Variants in PTTG1 observed in about 807,000 individuals in gnomAD.
PTTG1 encodes the protein PTTG1 regulator of sister chromatid separation, securin.
Under a neutral mutation model 20.0 loss-of-function variants are expected in PTTG1, and 8 were observed. The observed-to-expected ratio is 0.40, with a 90% confidence interval of 0.23 to 0.72. PTTG1 has a LOEUF of 0.72. Among genes scored for constraint, PTTG1 ranks in the 30% least tolerant of loss-of-function variants. The pLI is 0.38. For missense variants in PTTG1, 197 were observed against 236.0 expected, an observed-to-expected ratio of 0.83 and a Z score of 1.08; for synonymous variants, 79 against 87.2, an observed-to-expected ratio of 0.91 and a Z score of 0.52.
intron 4 of PTTG1, 44 bp downstream of exon 4, chr5:160,424,374 T>G (rs749984876): frequency 3.0e-6 from 4 of 1,342,736 alleles, no homozygotes; most frequent in Non-Finnish European, 3.2e-6. Context: ...GGCCTTTAGT[T>G]TCTTAGTATT....
intron 5 of PTTG1, among the ~76,000 whole-genome samples, chr5:160,428,089 T>C (rs1042345094): frequency 9.2e-5 from 14 of 152,214 alleles, no homozygotes; most frequent in African/African-American, 3.4e-4. Context: ...AACTGGATAG[T>C]CTTACTACAG....
At chr5:160,424,481 TG>T in intron 4 of PTTG1, 151 bp downstream of exon 4, 2 of 591,598 alleles carry the variant, frequency 3.4e-6, no homozygotes, top group Non-Finnish European at 6.0e-6. Context: ...TACTTGTTGA[TG>T]GAATTATTTG....
At chr5:160,422,666 A>G (rs1765737660) in intron 2 of PTTG1, 43 bp from the exon 3 acceptor site, 2 of 1,602,676 alleles carry the variant, frequency 1.2e-6, no homozygotes, top group Non-Finnish European at 1.7e-6. Context: ...TTGTACAGGT[A>G]TTTTGCTGCT....
intron 4 of PTTG1, among the ~76,000 whole-genome samples, 193 bp from the exon 5 acceptor site, chr5:160,427,522 G>C (rs1481280802): frequency 6.6e-6 from 1 of 152,154 alleles, no homozygotes; most frequent in Admixed American, 6.5e-5. Flanking sequence ...TTTGTGTTGA[G>C]GCACCAGCAG....
At position 160,422,714 on chromosome 5, in the gene PTTG1, A is replaced by G; in HGVS notation, c.97A>G (p.Lys33Glu). The G allele has an allele frequency of 6.2e-7, 1 of 1,614,100 alleles. No homozygotes were observed. The highest frequency in any genetic ancestry group is 8.5e-7 in the Non-Finnish European group (1 of 1,179,998). ...TGGTAAGACTTTTTCTTCAGCAATCAAAGCCTTAGATGGGAGATCTCAAGT... is the reference window on the plus strand; with the variant it reads ...TGGTAAGACTTTTTCTTCAGCAATCGAAGCCTTAGATGGGAGATCTCAAGT... The part of the protein sequence containing the change: ...GLKLGSGPSI[K>E]ALDGRSQVST... Residue 33 changes from lysine to glutamate, a missense_variant, in exon 3 of 6, where the codon AAA (lysine) becomes GAA (glutamate). Transcript: ENST00000352433.
intron 1 of PTTG1, 117 bp from the exon 2 acceptor site, chr5:160,422,185 C>G: frequency 1.4e-6 from 1 of 704,232 alleles, no homozygotes; most frequent in Non-Finnish European, 2.5e-6. Flanking sequence ...CGTGACTGTT[C>G]CGCTGTTTAG....
intron 5 of PTTG1, 63 bp downstream of exon 5, chr5:160,427,936 C>T (rs970846843): frequency 3.5e-5 from 55 of 1,589,134 alleles, no homozygotes; most frequent in Middle Eastern, 1.7e-4. Context: ...ACTTCCATTA[C>T]CATGGGAAGA....
In PTTG1 at chr5:160,427,708, G is replaced by T. The variant is rs764494898; in HGVS notation, c.371-7G>T. 6.2e-7 allele frequency: 1 copy of T among 1,613,516 alleles called. No individual in the cohort carries two copies. Among genetic ancestry groups the T allele is most frequent in the African/African-American group, 1.3e-5 (1 of 74,918 alleles). On this transcript the variant is annotated splice_region_variant and splice_polypyrimidine_tract_variant and intron_variant, in intron 4 of 5. Transcript: ENST00000352433. ...GCCCTGACAAAAACGCTTTCTCTCTGTAACAGACTTTGAGAGTTTTGACCT... is the reference window on the plus strand; with the variant it reads ...GCCCTGACAAAAACGCTTTCTCTCTTTAACAGACTTTGAGAGTTTTGACCT...
chr5:160,424,249 A>C lies in PTTG1; in HGVS notation c.289A>C (p.Thr97Pro), dbSNP rs1465723130. The C allele has an allele frequency of 3.7e-6, 6 of 1,610,180 alleles. No homozygotes were observed. The highest frequency in any genetic ancestry group is 2.2e-5 in the East Asian group (1 of 44,804). ...TTGGCTGTTCTAGATGACTGAGAAG[A>C]CTGTTAAAGCAAAAAGCTCTGTTCC... ...SFSAKKMTEK[T>P]VKAKSSVPAS... Residue 97 changes from threonine to proline, a missense_variant, in exon 4 of 6, where the codon ACT becomes CCT. Thr to Pro is a conservative substitution (Grantham distance 38). Coordinates refer to ENST00000352433, the MANE Select transcript of PTTG1 (RefSeq NM_004219.4).
chr5:160,423,075 A>G (rs1454783228), intron 3 of PTTG1, 182 bp downstream of exon 3: 1 of 656,048 alleles, frequency 1.5e-6, no homozygotes, highest in African/African-American at 1.8e-5. Flanking sequence ...TTGAGATTGG[A>G]AATCTCAGAT....
At chr5:160,422,083 C>T (rs778369414) in intron 1 of PTTG1, 192 bp downstream of exon 1, 13 of 470,308 alleles carry the variant, frequency 2.8e-5, no homozygotes, top group Non-Finnish European at 4.6e-5. Flanking sequence ...TGATGAGTGC[C>T]AGCCCCAAAC....
rs763827209 is a variant in PTTG1 at position 160,422,316 on chromosome 5, G to A, written c.4G>A (p.Ala2Thr). Residue 2 changes from alanine to threonine, a missense_variant, in exon 2 of 6, where the codon GCT becomes ACT. Coordinates refer to ENST00000352433, the MANE Select transcript of PTTG1 (RefSeq NM_004219.4). M[A>T]TLIYVDKENG... is the part of the protein sequence containing the mutation. The stretch of plus-strand genomic sequence containing the variant: ...CTCATTCTTAGAATAATCCAGAATG[G>A]CTACTCTGATCTATGTTGATAAGGA... The A allele has an allele frequency of 6.2e-7, 1 of 1,612,956 alleles. No individual in the cohort carries two copies. The highest frequency in any genetic ancestry group is 1.1e-5 in the South Asian group (1 of 91,054).
intron 5 of PTTG1, 52 bp from the exon 6 acceptor site, chr5:160,428,550 A>G: frequency 6.7e-7 from 1 of 1,490,384 alleles, no homozygotes; most frequent in Non-Finnish European, 9.4e-7. Flanking sequence ...GTTGATATGG[A>G]CAATGACTCA....
intron 5 of PTTG1, 133 bp from the exon 6 acceptor site, chr5:160,428,469 C>A: frequency 1.3e-6 from 1 of 761,536 alleles, no homozygotes; most frequent in Non-Finnish European, 2.2e-6. Flanking sequence ...AAAAATGTGT[C>A]AGGAGGGGAT....
intron 1 of PTTG1, chr5:160,422,096 C>T: frequency 2.0e-6 from 1 of 498,256 alleles, no homozygotes; most frequent in East Asian, 3.6e-5. Flanking sequence ...CCCCAAACCG[C>T]GCGCTGCTCG....
chr5:160,423,692 C>T (rs2910202), intron 3 of PTTG1, among the ~76,000 whole-genome samples: 35,583 of 152,168 alleles, frequency 0.23, 4,672 homozygotes, highest in Admixed American at 0.31. Flanking sequence ...AACATGCCGG[C>T]TTCCATTGTA....
At chr5:160,428,336 C>T (rs1765847357) in intron 5 of PTTG1, among the ~76,000 whole-genome samples, 1 of 152,134 alleles carries the variant, frequency 6.6e-6, no homozygotes, top group African/African-American at 2.4e-5. Context: ...ATAATTTGTC[C>T]TAATAAGTTA....
In PTTG1 at chr5:160,427,824, G is replaced by T. The variant is rs1218113808; in HGVS notation, c.480G>T (p.Gln160His). 6.2e-7 allele frequency: 1 copy of T among 1,614,180 alleles called. No homozygotes were observed. Among genetic ancestry groups the T allele is most frequent in the Admixed American group, 1.7e-5 (1 of 60,028 alleles). Residue 160 changes from glutamine to histidine, a missense_variant, in exon 5 of 6, where the codon CAG (glutamine) becomes CAT (histidine). Coordinates refer to ENST00000352433, the MANE Select transcript of PTTG1 (RefSeq NM_004219.4). ...AGAGAGAGCTTGAAAAGCTGTTTCAGCTGGGCCCCCCTTCACCTGTGAAGA... is the reference window on the plus strand; with the variant it reads ...AGAGAGAGCTTGAAAAGCTGTTTCATCTGGGCCCCCCTTCACCTGTGAAGA... ...DEERELEKLF[Q>H]LGPPSPVKMP...
intron 4 of PTTG1, 150 bp downstream of exon 4, chr5:160,424,480 A>T: frequency 1.7e-6 from 1 of 599,744 alleles, no homozygotes; most frequent in South Asian, 2.1e-5. Context: ...GTACTTGTTG[A>T]TGGAATTATT....
Sources: gnomAD v4.1 joint callset for allele counts (sites outside exome capture counted in the v4.1 genomes callset) on GRCh38, gnomAD v4.1.1 for gene constraint, MANE v1.5 for transcripts, NCBI Gene and HGNC (gene_info 2026-07-23, HGNC 2026-07-21) for gene names.